TRPM3: variants seen among roughly 807,000 people sequenced by gnomAD.
TRPM3 encodes long transient receptor potential channel 3.
TRPM3 carries 77 observed loss-of-function variants against 181.2 expected under a neutral mutation model. The observed-to-expected ratio is 0.42, with a 90% confidence interval of 0.35 to 0.51. The LOEUF (loss-of-function observed/expected upper bound fraction) is 0.51, where lower values mean the gene tolerates loss of function less well. TRPM3 is among the 20% of genes least tolerant of loss of function. The pLI, the probability that TRPM3 is intolerant of heterozygous loss-of-function variation, is 0.01. For synonymous variants in TRPM3, 745 were observed against 796.4 expected, an observed-to-expected ratio of 0.94 and a Z score of 1.09; for missense variants, 1,759 against 2,196.7, an observed-to-expected ratio of 0.80 and a Z score of 3.98.
chr9:71,275,507 T>A (rs1040083776), intron 1 of TRPM3, among the ~76,000 whole-genome samples: 3 of 152,106 alleles, frequency 2.0e-5, no homozygotes, highest in Non-Finnish European at 2.9e-5. Flanking sequence ...TGTGTGCACA[T>A]GTATGTGTGC....
intron 6 of TRPM3, among the ~76,000 whole-genome samples, chr9:70,813,960 T>C (rs971691867): frequency 6.6e-6 from 1 of 152,262 alleles, no homozygotes; most frequent in African/African-American, 2.4e-5. Flanking sequence ...TCTTCAAGTA[T>C]ACAGCTATAC....
intron 8 of TRPM3, among the ~76,000 whole-genome samples, chr9:70,687,755 GC>G (rs1394870351): frequency 6.6e-6 from 1 of 152,048 alleles, no homozygotes; most frequent in Non-Finnish European, 1.5e-5. Context: ...CTTATTTTGT[GC>G]CCCCTTAAAA....
chr9:70,854,142 C>T (rs544775005), intron 3 of TRPM3, among the ~76,000 whole-genome samples: 18 of 152,176 alleles, frequency 1.2e-4, no homozygotes, highest in Non-Finnish European at 2.2e-4. Context: ...TTTTGGTTGT[C>T]AAGATCAGCA....
chr9:70,539,358 C>A (rs1368242132), intron 25 of TRPM3, among the ~76,000 whole-genome samples: 1 of 152,164 alleles, frequency 6.6e-6, no homozygotes, highest in Admixed American at 6.5e-5. Context: ...GACTCCCCTG[C>A]CTTGGGGCAC....
At chr9:71,005,915 T>C (rs1590539548) in intron 1 of TRPM3, among the ~76,000 whole-genome samples, 1 of 152,204 alleles carries the variant, frequency 6.6e-6, no homozygotes, top group Non-Finnish European at 1.5e-5. Context: ...GCCACTTAAA[T>C]TTTAAGTATG....
chr9:71,095,813 G>A (rs1235012662), intron 1 of TRPM3, among the ~76,000 whole-genome samples: 1 of 149,930 alleles, frequency 6.7e-6, no homozygotes, highest in African/African-American at 2.5e-5. Flanking sequence ...GAAAGAGAGA[G>A]AGACTGACAA....
At chr9:71,368,312 A>G (rs932650506) in intron 1 of TRPM3, among the ~76,000 whole-genome samples, 2 of 152,170 alleles carry the variant, frequency 1.3e-5, no homozygotes, top group African/African-American at 2.4e-5. Context: ...GCAACCCTGA[A>G]TCTTTCACTA....
intron 1 of TRPM3, among the ~76,000 whole-genome samples, chr9:71,004,161 G>A (rs994770967): frequency 1.3e-5 from 2 of 152,222 alleles, no homozygotes; most frequent in East Asian, 1.9e-4. Context: ...CTGATCAGTG[G>A]AGAGGTCACA....
intron 1 of TRPM3, among the ~76,000 whole-genome samples, chr9:70,990,323 A>G (rs1486543380): frequency 1.3e-5 from 2 of 152,202 alleles, no homozygotes; most frequent in Admixed American, 1.3e-4. Context: ...GAGTCCAAAC[A>G]TTCCCTCTCC....
intron 1 of TRPM3, among the ~76,000 whole-genome samples, chr9:71,286,952 T>TTATA (rs1215206918): frequency 6.6e-5 from 6 of 91,464 alleles, no homozygotes; most frequent in Non-Finnish European, 1.5e-4. Context: ...AATTTATATT[T>TTATA]TATATAAATT....
intron 1 of TRPM3, among the ~76,000 whole-genome samples, chr9:71,249,016 A>G: frequency 6.6e-6 from 1 of 152,336 alleles, no homozygotes; most frequent in Admixed American, 6.5e-5. Context: ...CAGGCAATGA[A>G]AAAAGTGTTT....
intron 1 of TRPM3, among the ~76,000 whole-genome samples, chr9:70,910,556 A>G (rs928600349): frequency 1.3e-5 from 2 of 152,190 alleles, no homozygotes; most frequent in African/African-American, 2.4e-5. Context: ...TAAAAATAAA[A>G]AGAATAAAAC....
At chr9:70,856,826 G>A (rs1173846823) in intron 3 of TRPM3, among the ~76,000 whole-genome samples, 1 of 152,164 alleles carries the variant, frequency 6.6e-6, no homozygotes, top group South Asian at 2.1e-4. Context: ...TGACTTGAGA[G>A]GTTTAAATAT....
intron 9 of TRPM3, among the ~76,000 whole-genome samples, chr9:70,668,491 C>T (rs927536895): frequency 6.6e-6 from 1 of 151,700 alleles, no homozygotes. Context: ...AGTGAAACCC[C>T]GTCTCTACTA....
intron 25 of TRPM3, 143 bp downstream of exon 25, chr9:70,549,398 TG>T: frequency 9.3e-7 from 1 of 1,077,440 alleles, no homozygotes; most frequent in South Asian, 1.9e-5. Flanking sequence ...GGCAATGTTC[TG>T]TTCTCTCATA....
intron 22 of TRPM3, among the ~76,000 whole-genome samples, chr9:70,570,118 CTGTATT>C (rs891344955): frequency 6.6e-6 from 1 of 151,888 alleles, no homozygotes; most frequent in Non-Finnish European, 1.5e-5. Context: ...TTTTGGGACT[CTGTATT>C]TGTGTAGAAT....
intron 11 of TRPM3, among the ~76,000 whole-genome samples, chr9:70,635,636 T>A (rs1264719440): frequency 1.3e-5 from 2 of 151,520 alleles, no homozygotes; most frequent in Non-Finnish European, 2.9e-5. Flanking sequence ...TAAAATTTTT[T>A]TTTTTTTAAA....
rs137984109 is a variant in TRPM3, at chr9:71,177,126, G to A, written c.183+269527C>T. Among the ~76,000 whole-genome samples the A allele has an allele frequency of 1.8e-3, 268 of 152,198 alleles. 3 individuals carry two copies. The highest frequency in any genetic ancestry group is 6.9e-4 in the Non-Finnish European group (47 of 68,014). On this transcript the variant is annotated intron_variant, in intron 1 of 24. Coordinates refer to the TRPM3 transcript ENST00000357533. ...GAACCCTGCTGTGAACTGTGCATGC[G>A]AGGGATCTAGATTGTGTACTCCTTA...
intron 24 of TRPM3, among the ~76,000 whole-genome samples, chr9:70,551,123 A>AT (rs1564282452): frequency 6.6e-6 from 1 of 152,210 alleles, no homozygotes; most frequent in Non-Finnish European, 1.5e-5. Flanking sequence ...ATAAAATACT[A>AT]TTTTTTAAAA....
Sources: allele counts gnomAD v4.1 joint callset (sites outside exome capture counted in the v4.1 genomes callset), GRCh38; gene constraint gnomAD v4.1.1; transcripts MANE v1.5; gene names NCBI Gene and HGNC (gene_info 2026-07-23, HGNC 2026-07-21).